VWDE: variants seen among roughly 807,000 people sequenced by gnomAD.
VWDE encodes von Willebrand factor D and EGF domains, also known as von Willebrand factor D and EGF domain-containing protein.
VWDE carries 207 observed loss-of-function variants against 178.4 expected under a neutral mutation model. That is an observed-to-expected ratio of 1.16 (90% CI 1.04 to 1.30). The LOEUF (loss-of-function observed/expected upper bound fraction) is 1.30. Ranked by LOEUF, VWDE falls within the 50% of genes most tolerant of loss-of-function variation. The probability of loss-of-function intolerance (pLI) is 0.00; values close to 1 mark genes in which losing one functional copy is unlikely to be tolerated. For missense variants in VWDE, 2,287 were observed against 1,901.3 expected (o/e 1.20, Z -3.77); for synonymous variants, 738 against 651.4 (o/e 1.13, Z -2.02).
At chr7:12,371,733 G>A (rs1003589889) in intron 10 of VWDE, among the ~76,000 whole-genome samples, 2 of 151,970 alleles carry the variant, frequency 1.3e-5, no homozygotes, top group African/African-American at 4.8e-5. Context: ...TTTATATTTT[G>A]GGCATATCTT....
At chr7:12,336,627 C>T (rs1781047694) in intron 26 of VWDE, among the ~76,000 whole-genome samples, 1 of 152,096 alleles carries the variant, frequency 6.6e-6, no homozygotes, top group Admixed American at 6.5e-5. Flanking sequence ...CTGAGTGGCA[C>T]TGTTATCTTC....
rs77185692 is a variant in VWDE, at chr7:12,339,896, T to G, written c.4366+426A>C. Among the ~76,000 whole-genome samples the G allele has an allele frequency of 1.1e-4, 17 of 152,250 alleles. 1 individual carries two copies. In the East Asian group the frequency reaches 3.3e-3, roughly 29 times the overall value. On this transcript the variant is annotated intron_variant, in intron 24 of 28. Transcript: ENST00000275358. ...CTCTGTATCTTCTTGCGTAGCGCTGTGCACAGGTGATTCTTCATAAATGTT... is the reference window on the plus strand; with the variant it reads ...CTCTGTATCTTCTTGCGTAGCGCTGGGCACAGGTGATTCTTCATAAATGTT...
At chr7:12,346,491 T>C (rs1781605001) in intron 19 of VWDE, among the ~76,000 whole-genome samples, 1 of 152,096 alleles carries the variant, frequency 6.6e-6, no homozygotes. Context: ...ATAAATGCTA[T>C]TTTATATGAG....
intron 12 of VWDE, 48 bp from the exon 13 acceptor site, chr7:12,367,541 GAA>G (rs111337147): frequency 7.5e-7 from 1 of 1,328,378 alleles, no homozygotes. Flanking sequence ...CTTAATTTCA[GAA>G]AAAAAAACTA....
intron 19 of VWDE, among the ~76,000 whole-genome samples, chr7:12,346,563 A>T (rs1781609771): frequency 6.8e-6 from 1 of 148,048 alleles, no homozygotes. Context: ...TTATGTCCCC[A>T]TCTTTCTTGA....
At chr7:12,384,332 G>T (rs913021841) in intron 3 of VWDE, among the ~76,000 whole-genome samples, 3 of 152,016 alleles carry the variant, frequency 2.0e-5, no homozygotes, top group Non-Finnish European at 4.4e-5. Flanking sequence ...AGCTGTGGTT[G>T]TCTGGGGTTG....
intron 2 of VWDE, among the ~76,000 whole-genome samples, chr7:12,390,380 C>A (rs917777474): frequency 6.6e-6 from 1 of 151,864 alleles, no homozygotes; most frequent in Non-Finnish European, 1.5e-5. Context: ...GGAAGTGGTA[C>A]CCACCTCAAA....
chr7:12,396,514 C>T (rs1164418720), intron 1 of VWDE, among the ~76,000 whole-genome samples: 1 of 152,140 alleles, frequency 6.6e-6, no homozygotes, highest in African/African-American at 2.4e-5. Context: ...AGAAAAACCA[C>T]TTTTGATCCC....
chr7:12,351,010 G>A lies in VWDE; in HGVS notation c.3886+563C>T, dbSNP rs182796431. 1.3e-3 allele frequency among the ~76,000 whole-genome samples: 192 copies of A among 152,082 alleles called. 1 individual carries two copies. Among genetic ancestry groups the A allele is most frequent in the East Asian group, 8.7e-3 (45 of 5,176 alleles). On this transcript the variant is annotated intron_variant, in intron 19 of 28. Coordinates refer to ENST00000275358, the MANE Select transcript of VWDE (RefSeq NM_001135924.3). ...GAGTATTCAGTAAGGTGACAACACC[G>A]GAACAATAAGAAAGTCAAGACACAT...
At chr7:12,333,762 G>A in intron 27 of VWDE, 194 bp from the exon 28 acceptor site, 1 of 387,994 alleles carries the variant, frequency 2.6e-6, no homozygotes, top group East Asian at 3.8e-5. Flanking sequence ...CAAAAACAAA[G>A]CACCCAAAAT....
intron 2 of VWDE, among the ~76,000 whole-genome samples, chr7:12,391,128 T>C (rs894644383): frequency 1.3e-5 from 2 of 152,136 alleles, no homozygotes; most frequent in African/African-American, 4.8e-5. Context: ...CAATTGAACA[T>C]ATAACATGAA....
rs1307639905 is a variant in VWDE, at chr7:12,356,343, A to T, written c.3526-13T>A. ...ACTTCACAGTCACCTACAAAACAAA[A>T]AAAAAGGAAATGTCTTATTTTTCAA... On this transcript the variant is annotated splice_polypyrimidine_tract_variant and intron_variant, in intron 17 of 28. Coordinates refer to ENST00000275358, the MANE Select transcript of VWDE (RefSeq NM_001135924.3). The T allele has an allele frequency of 1.3e-6, 2 of 1,543,124 alleles. No homozygotes were observed. Among genetic ancestry groups the T allele is most frequent in the Admixed American group, 4.0e-5 (2 of 49,822 alleles).
At chr7:12,402,415 T>C (rs1784945447) in intron 1 of VWDE, among the ~76,000 whole-genome samples, 1 of 152,226 alleles carries the variant, frequency 6.6e-6, no homozygotes, top group South Asian at 2.1e-4. Flanking sequence ...TTTACTCCAT[T>C]AAACATAAAG....
chr7:12,388,063 A>G (rs1784193159), intron 3 of VWDE, among the ~76,000 whole-genome samples: 1 of 152,106 alleles, frequency 6.6e-6, no homozygotes, highest in African/African-American at 2.4e-5. Context: ...AATTTTCCCA[A>G]TCAGGATATC....
Position 12,340,433 on chromosome 7 carries a change from A to C in VWDE, c.4271-16T>G, listed in dbSNP as rs1481819490. ...TCGCACAAAGCTAATAAACAGCAGG[A>C]GGAAAAGAGAACATAAAAGTTTTAT... On this transcript the variant is annotated splice_polypyrimidine_tract_variant and intron_variant, in intron 23 of 28. Transcript: ENST00000275358. 1 of 1,527,888 alleles carries C rather than the reference A, an allele frequency of 6.5e-7. No individual in the cohort carries two copies. Among genetic ancestry groups the C allele is most frequent in the Admixed American group, 2.1e-5 (1 of 48,596 alleles). The allele number at this position is 1,527,888 out of a possible 1,614,324, so 94.6% of individuals were successfully genotyped here. A position where few individuals can be genotyped will look rare whatever the true frequency, so the allele number is the denominator to read the frequency against.
At chr7:12,349,729 A>G (rs551054788) in intron 19 of VWDE, among the ~76,000 whole-genome samples, 2 of 152,172 alleles carry the variant, frequency 1.3e-5, no homozygotes, top group African/African-American at 4.8e-5. Flanking sequence ...ATTTGAAAAA[A>G]GAAACCCAAA....
At chr7:12,399,966 A>C (rs1784824887) in intron 1 of VWDE, among the ~76,000 whole-genome samples, 1 of 152,188 alleles carries the variant, frequency 6.6e-6, no homozygotes, top group South Asian at 2.1e-4. Flanking sequence ...AACAACCGAA[A>C]TAATCACTGA....
Position 12,370,492 on chromosome 7 carries a change from C to T in VWDE, c.1814G>A (p.Ser605Asn). The change falls in exon 12 of 29, where the codon AGC becomes AAC. Residue 605 changes from serine (S) to asparagine (N), a missense_variant. Physicochemically the swap from Ser to Asn is conservative, Grantham distance 46. Coordinates refer to ENST00000275358, the MANE Select transcript of VWDE (RefSeq NM_001135924.3). ...AGAAACTGGCAGTGTGTCAGACATG[C>T]TTTTTCCTGGTAAAATCCTTCCAGA... ...INEWRILPGK[S>N]MSDTLPVSMT... The T allele has an allele frequency of 6.5e-7, 1 of 1,537,324 alleles. No individual in the cohort carries two copies. The highest frequency in any genetic ancestry group is 8.7e-7 in the Non-Finnish European group (1 of 1,143,914).
chr7:12,355,712 A>G (rs1782205676), intron 18 of VWDE, among the ~76,000 whole-genome samples: 1 of 152,128 alleles, frequency 6.6e-6, no homozygotes, highest in Non-Finnish European at 1.5e-5. Context: ...TTACCATGAT[A>G]TTTCTAAGTC....
Sources: allele counts gnomAD v4.1 joint callset (sites outside exome capture counted in the v4.1 genomes callset), GRCh38; gene constraint gnomAD v4.1.1; transcripts MANE v1.5; gene names NCBI Gene and HGNC (gene_info 2026-07-23, HGNC 2026-07-21).